FHL1: variants seen among roughly 807,000 people sequenced by gnomAD.
FHL1 encodes four and a half LIM domains protein 1.
A neutral mutation model predicts 20.3 loss-of-function variants in FHL1; 1 was observed. The ratio of observed to expected loss-of-function variants is 0.05; its 90% CI spans 0.02 to 0.23. The LOEUF is 0.23. FHL1 is among the 10% of genes least tolerant of loss of function. FHL1 has a pLI of 1.00. For synonymous variants in FHL1, 82 were observed against 88.9 expected (o/e 0.92, Z 0.44); for missense variants, 177 against 234.0 (o/e 0.76, Z 1.59).
chrX:136,206,951 G>A lies in FHL1; in HGVS notation c.205-65G>A, dbSNP rs952947706. The A allele has an allele frequency of 1.7e-5, 19 of 1,150,706 alleles. No individual in the cohort carries two copies. The Admixed American group carries it at 3.1e-4, about 18-fold the overall frequency. The allele number at this position is 1,150,706 out of a possible 1,213,427, so 94.8% of individuals were successfully genotyped here. A position where few individuals can be genotyped will look rare whatever the true frequency, so the allele number is the denominator to read the frequency against. On this transcript the variant is annotated intron_variant, in intron 2 of 5. Coordinates refer to ENST00000370683, the MANE Select transcript of FHL1 (RefSeq NM_001159699.2). ...CAGTCCCAGGGAAATCAGCCTTATGGGAGGGCTCCTGCCACCACCCCCAGC... is the reference window on the plus strand; with the variant it reads ...CAGTCCCAGGGAAATCAGCCTTATGAGAGGGCTCCTGCCACCACCCCCAGC...
intron 2 of FHL1, chrX:136,170,112 A>C: frequency 3.6e-6 from 1 of 274,064 alleles, no homozygotes; most frequent in Non-Finnish European, 6.9e-6. Context: ...AATTGACTCA[A>C]CCAATGTCAC....
chrX:136,204,112 C>T (rs2073782237), intron 1 of FHL1, among the ~76,000 whole-genome samples: 2 of 112,607 alleles, frequency 1.8e-5, no homozygotes, highest in Admixed American at 1.9e-4. Flanking sequence ...GGTTACTAGC[C>T]ATGCAGGAAG....
chrX:136,160,772 C>T (rs1373732775), intron 1 of FHL1, among the ~76,000 whole-genome samples: 5 of 111,682 alleles, frequency 4.5e-5, no homozygotes, highest in African/African-American at 3.3e-5. Flanking sequence ...TTCTTAATTT[C>T]ATTGGTTGCC....
chrX:136,152,611 C>T (rs932151048), intron 1 of FHL1, among the ~76,000 whole-genome samples: 4 of 103,333 alleles, frequency 3.9e-5, no homozygotes, highest in Non-Finnish European at 7.8e-5. Flanking sequence ...CCCAGCTACT[C>T]GGGAGGCTGA....
intron 1 of FHL1, among the ~76,000 whole-genome samples, chrX:136,201,352 C>T (rs1258603922): frequency 8.9e-6 from 1 of 111,869 alleles, no homozygotes; most frequent in African/African-American, 3.3e-5. Context: ...TGTCCGCATG[C>T]CCAGTGGCCT....
upstream of FHL1, chrX:136,167,892 A>T (rs1056760064): frequency 1.8e-5 from 2 of 112,295 alleles, no homozygotes; most frequent in Admixed American, 1.9e-4. Flanking sequence ...TGATAAGACT[A>T]GTGTGTGACA....
Position 136,207,034 on chromosome X carries a change from C to A in FHL1, c.223C>A (p.Arg75Ser), listed in dbSNP as rs1343871742. 1 of 1,209,579 alleles carries A rather than the reference C, an allele frequency of 8.3e-7. No homozygotes were observed. Among genetic ancestry groups the A allele is most frequent in the East Asian group, 3.0e-5 (1 of 33,709 alleles). Residue 75 changes from arginine (R) to serine (S), a missense_variant, in exon 3 of 6, where the codon CGC becomes AGC. Physicochemically the swap from Arg to Ser is moderately radical, Grantham distance 110. Transcript: ENST00000370683. ...ADSKEVHYKN[R>S]FWHDTCFRCA... ...TTTCCAGGAGGTGCACTATAAGAAC[C>A]GCTTCTGGCATGACACCTGCTTCCG...
upstream of FHL1, among the ~76,000 whole-genome samples, chrX:136,192,262 T>C (rs975355410): frequency 5.3e-5 from 6 of 112,159 alleles, no homozygotes; most frequent in Middle Eastern, 4.2e-3. Context: ...TTCCTGATAG[T>C]GATTTCTGGT....
upstream of FHL1, among the ~76,000 whole-genome samples, chrX:136,193,893 T>C (rs1457663118): frequency 2.7e-5 from 3 of 110,163 alleles, no homozygotes; most frequent in Non-Finnish European, 3.8e-5. Context: ...GTGTGTGGCT[T>C]TCCCTCCTCT....
chrX:136,184,328 G>T (rs756272758), intron 2 of FHL1, among the ~76,000 whole-genome samples: 1 of 111,603 alleles, frequency 9.0e-6, no homozygotes, highest in Admixed American at 9.6e-5. Context: ...TCTTTGTGAG[G>T]AATGGAGGCT....
chrX:136,208,210 C>G (rs1271317434), intron 4 of FHL1, among the ~76,000 whole-genome samples: 1 of 112,060 alleles, frequency 8.9e-6, no homozygotes, highest in Middle Eastern at 4.2e-3. Flanking sequence ...CTGGGCAGCC[C>G]TGGCTCTAGA....
upstream of FHL1, among the ~76,000 whole-genome samples, chrX:136,195,457 C>A (rs377711251): frequency 8.9e-6 from 1 of 112,277 alleles, no homozygotes; most frequent in South Asian, 3.7e-4. Flanking sequence ...GGCTAATCTC[C>A]GCACCATAAT....
At chrX:136,204,035 G>A (rs1009717530) in intron 1 of FHL1, among the ~76,000 whole-genome samples, 9 of 112,414 alleles carry the variant, frequency 8.0e-5, no homozygotes, top group Non-Finnish European at 3.8e-5. Context: ...AGAGACCTTG[G>A]TAAGAGAGAA....
At chrX:136,199,154 G>A (rs750499710) in intron 1 of FHL1, among the ~76,000 whole-genome samples, 2 of 111,429 alleles carry the variant, frequency 1.8e-5, no homozygotes, top group South Asian at 3.8e-4. Context: ...TGTGTTGCAC[G>A]TAATCTGTGC....
chrX:136,163,430 G>C (rs906312160), intron 1 of FHL1, among the ~76,000 whole-genome samples: 6 of 112,039 alleles, frequency 5.4e-5, no homozygotes, highest in Admixed American at 1.9e-4. Flanking sequence ...ATACATCCGA[G>C]GTGGAACATT....
intron 2 of FHL1, among the ~76,000 whole-genome samples, chrX:136,183,390 C>G (rs1222513385): frequency 1.8e-5 from 2 of 111,477 alleles, no homozygotes; most frequent in Non-Finnish European, 3.8e-5. Context: ...TTTGATTTCT[C>G]TACCACTGAC....
intron 1 of FHL1, among the ~76,000 whole-genome samples, chrX:136,199,587 T>C (rs981480522): frequency 8.9e-6 from 1 of 112,522 alleles, no homozygotes; most frequent in Admixed American, 9.4e-5. Flanking sequence ...GGCTAAGGCT[T>C]TGCTCCATCT....
intron 3 of FHL1, 127 bp downstream of exon 3, chrX:136,207,317 A>C: frequency 1.6e-6 from 1 of 609,474 alleles, no homozygotes; most frequent in Non-Finnish European, 2.6e-6. Context: ...ATATATATGT[A>C]CACATATACA....
chrX:136,169,566 ATTTGT>A, upstream of FHL1: 1 of 251,875 alleles, frequency 4.0e-6, no homozygotes, highest in Non-Finnish European at 7.4e-6. Flanking sequence ...CGACTGAGTC[ATTTGT>A]TTTGATTACC....
Sources: allele counts gnomAD v4.1 joint callset (sites outside exome capture counted in the v4.1 genomes callset), GRCh38; gene constraint gnomAD v4.1.1; transcripts MANE v1.5; gene names NCBI Gene and HGNC (gene_info 2026-07-23, HGNC 2026-07-21).